The following LOC128706666 variants were observed in gnomAD, a reference collection of about 807,000 sequenced individuals.
chr20:10,421,167 C>T, the LOC128706666 span, among the ~76,000 whole-genome samples: 1,739 of 152,164 alleles, frequency 0.011, 41 homozygotes, highest in African/African-American at 0.039. Flanking sequence ...TGGTGGCTCA[C>T]GCCTGTATTC....
the LOC128706666 span, among the ~76,000 whole-genome samples, chr20:10,414,532 T>G: frequency 3.3e-5 from 5 of 152,242 alleles, no homozygotes; most frequent in East Asian, 9.6e-4. Flanking sequence ...CCCAAAGTGC[T>G]GGGATTACAA....
chr20:10,416,934 A>G, the LOC128706666 span, among the ~76,000 whole-genome samples: 2 of 152,224 alleles, frequency 1.3e-5, no homozygotes, highest in African/African-American at 2.4e-5. Context: ...TATAGACACT[A>G]TATGATCTGC....
At chr20:10,427,952 T>C in the LOC128706666 span, among the ~76,000 whole-genome samples, 1 of 152,246 alleles carries the variant, frequency 6.6e-6, no homozygotes, top group Non-Finnish European at 1.5e-5. Flanking sequence ...GGAGTGGATC[T>C]GCAGTCAGAA....
At chr20:10,432,712 C>CT in the LOC128706666 span, among the ~76,000 whole-genome samples, 1 of 143,062 alleles carries the variant, frequency 7.0e-6, no homozygotes, top group African/African-American at 2.6e-5. Flanking sequence ...GGGAGAATTG[C>CT]TTGAACCCGG....
chr20:10,423,351 G>A, the LOC128706666 span, among the ~76,000 whole-genome samples: 2 of 152,138 alleles, frequency 1.3e-5, no homozygotes, highest in African/African-American at 4.8e-5. Flanking sequence ...GACCTTGGGA[G>A]GCTGAGGCTG....
At chr20:10,421,695 C>T in the LOC128706666 span, among the ~76,000 whole-genome samples, 1 of 152,006 alleles carries the variant, frequency 6.6e-6, no homozygotes. Context: ...AAAACCCTAA[C>T]TTACAGGGTT....
the LOC128706666 span, among the ~76,000 whole-genome samples, chr20:10,418,700 G>A: frequency 6.6e-6 from 1 of 151,998 alleles, no homozygotes; most frequent in Non-Finnish European, 1.5e-5. Flanking sequence ...TTTTGCATGA[G>A]AAGAAACTAC....
the LOC128706666 span, chr20:10,420,613 T>C: frequency 6.6e-6 from 1 of 152,338 alleles, no homozygotes; most frequent in East Asian, 1.9e-4. Flanking sequence ...AGGAATGTCG[T>C]CGTTTTTAGG....
At chr20:10,423,476 A>G in the LOC128706666 span, among the ~76,000 whole-genome samples, 1 of 152,210 alleles carries the variant, frequency 6.6e-6, no homozygotes, top group Non-Finnish European at 1.5e-5. Flanking sequence ...ATGTAATAAT[A>G]AAATTGAGAT....
chr20:10,422,286 GCCTTTT>G, the LOC128706666 span, among the ~76,000 whole-genome samples: 2 of 151,704 alleles, frequency 1.3e-5, no homozygotes, highest in Non-Finnish European at 2.9e-5. Flanking sequence ...GTATTTTATG[GCCTTTT>G]CCTTTTCTAA....
the LOC128706666 span, among the ~76,000 whole-genome samples, chr20:10,414,557 G>A: frequency 6.6e-6 from 1 of 152,080 alleles, no homozygotes; most frequent in Non-Finnish European, 1.5e-5. Flanking sequence ...GAGCCACTGT[G>A]CCCGGCAAGT....
At chr20:10,426,821 A>G in the LOC128706666 span, among the ~76,000 whole-genome samples, 4 of 152,234 alleles carry the variant, frequency 2.6e-5, no homozygotes, top group Non-Finnish European at 5.9e-5. Context: ...ATTAGAGGGC[A>G]AAAGAGTCTA....
chr20:10,429,250 C>T, the LOC128706666 span, among the ~76,000 whole-genome samples: 1 of 152,166 alleles, frequency 6.6e-6, no homozygotes, highest in Non-Finnish European at 1.5e-5. Flanking sequence ...TCCCTGTAGC[C>T]TTTTGATGTG....
the LOC128706666 span, among the ~76,000 whole-genome samples, chr20:10,414,235 G>A: frequency 1.3e-5 from 2 of 150,276 alleles, no homozygotes; most frequent in African/African-American, 4.9e-5. Flanking sequence ...GAAATGCTAC[G>A]ATATAAAACA....
At chr20:10,422,215 G>A in the LOC128706666 span, among the ~76,000 whole-genome samples, 1 of 151,800 alleles carries the variant, frequency 6.6e-6, no homozygotes, top group African/African-American at 2.4e-5. Context: ...ATTTTATAAG[G>A]ACTTTGTGGC....
chr20:10,429,738 G>A, the LOC128706666 span, among the ~76,000 whole-genome samples: 1 of 152,000 alleles, frequency 6.6e-6, no homozygotes, highest in Non-Finnish European at 1.5e-5. Flanking sequence ...TCCTCCCTAG[G>A]GTCACAGTCC....
At chr20:10,431,916 T>C in the LOC128706666 span, 1 of 148,138 alleles carries the variant, frequency 6.8e-6, no homozygotes, top group South Asian at 2.1e-4. Context: ...ACCTAAAGTG[T>C]TTTCCCTCTC....
At chr20:10,419,706 C>T in the LOC128706666 span, among the ~76,000 whole-genome samples, 1 of 152,210 alleles carries the variant, frequency 6.6e-6, no homozygotes, top group East Asian at 1.9e-4. Context: ...CACAGTTGAT[C>T]TAACCCAGAG....
chr20:10,418,901 T>C, the LOC128706666 span, among the ~76,000 whole-genome samples: 1 of 152,164 alleles, frequency 6.6e-6, no homozygotes, highest in Non-Finnish European at 1.5e-5. Context: ...ATATTAAAAC[T>C]CTTCCTATAA....
Sources: gnomAD v4.1 joint callset for allele counts (sites outside exome capture counted in the v4.1 genomes callset) on GRCh38, gnomAD v4.1.1 for gene constraint, MANE v1.5 for transcripts.